LRRC37A2: variants seen among roughly 807,000 people sequenced by gnomAD.
The protein encoded by LRRC37A2 is leucine rich repeat containing 37 member A2, also known as leucine-rich repeat-containing protein 37A2.
Under a neutral mutation model 68.8 loss-of-function variants are expected in LRRC37A2, and 9 were observed. The observed-to-expected ratio is 0.13, with a 90% CI of 0.08 to 0.23. The LOEUF is 0.23. LRRC37A2 is among the 10% of genes least tolerant of loss of function. The pLI, the probability that LRRC37A2 is intolerant of heterozygous loss-of-function variation, is 1.00. For missense variants in LRRC37A2, 168 were observed against 950.4 expected, an observed-to-expected ratio of 0.18 and a Z score of 10.82; for synonymous variants, 63 against 367.6, an observed-to-expected ratio of 0.17 and a Z score of 9.48.
the LRRC37A2 span, among the ~76,000 whole-genome samples, chr17:46,678,454 A>G: frequency 3.4e-3 from 504 of 149,564 alleles, 7 homozygotes; most frequent in African/African-American, 0.012. Context: ...GAAAATAACC[A>G]GAGACAAAGA....
the LRRC37A2 span, among the ~76,000 whole-genome samples, chr17:46,493,891 G>A: frequency 3.2e-3 from 476 of 150,846 alleles, 32 homozygotes; most frequent in African/African-American, 0.011. Context: ...GAGTGCAGTG[G>A]CATGATCTTG....
the LRRC37A2 span, among the ~76,000 whole-genome samples, chr17:46,951,870 G>A: frequency 6.6e-6 from 1 of 152,024 alleles, no homozygotes; most frequent in Admixed American, 6.5e-5. Context: ...TTTCCCTCGG[G>A]GTGTTTGCCT....
the LRRC37A2 span, among the ~76,000 whole-genome samples, chr17:46,946,161 C>T: frequency 1.3e-5 from 2 of 151,744 alleles, no homozygotes; most frequent in Non-Finnish European, 2.9e-5. Flanking sequence ...GTAGGCTGGG[C>T]GCGGTGTCTC....
the LRRC37A2 span, among the ~76,000 whole-genome samples, chr17:46,456,157 A>G: frequency 2.7e-5 from 3 of 109,316 alleles, no homozygotes; most frequent in Admixed American, 2.7e-4. Context: ...TCCATGTTGT[A>G]GCAAAAGATG....
At chr17:46,970,474 A>G in the LRRC37A2 span, among the ~76,000 whole-genome samples, 2 of 145,056 alleles carry the variant, frequency 1.4e-5, no homozygotes, top group Admixed American at 1.4e-4. Flanking sequence ...TGGGAGGCAC[A>G]GGTTGCAGCA....
the LRRC37A2 span, among the ~76,000 whole-genome samples, chr17:46,762,244 A>G: frequency 6.6e-6 from 1 of 152,236 alleles, no homozygotes; most frequent in Non-Finnish European, 1.5e-5. Flanking sequence ...GAGTCTGTGA[A>G]ATGAATTAGT....
At chr17:46,818,561 G>A in the LRRC37A2 span, 2 of 1,608,668 alleles carry the variant, frequency 1.2e-6, no homozygotes, top group Non-Finnish European at 1.7e-6. Context: ...CCACCGAGCA[G>A]GAGGCCGAGG....
At chr17:46,854,785 C>T in the LRRC37A2 span, among the ~76,000 whole-genome samples, 11 of 152,010 alleles carry the variant, frequency 7.2e-5, no homozygotes, top group Admixed American at 3.3e-4. Context: ...CTCAGCTTTC[C>T]GAGAGCTAGG....
At chr17:46,889,956 C>T in the LRRC37A2 span, among the ~76,000 whole-genome samples, 1 of 152,204 alleles carries the variant, frequency 6.6e-6, no homozygotes, top group African/African-American at 2.4e-5. Context: ...TAGAATAATG[C>T]CTGGCATATT....
chr17:47,001,549 T>A, the LRRC37A2 span, among the ~76,000 whole-genome samples: 1 of 152,128 alleles, frequency 6.6e-6, no homozygotes, highest in Non-Finnish European at 1.5e-5. Flanking sequence ...TGATAATATC[T>A]GAGCCTTAGT....
the LRRC37A2 span, among the ~76,000 whole-genome samples, chr17:46,770,837 T>A: frequency 6.6e-6 from 1 of 152,184 alleles, no homozygotes; most frequent in Non-Finnish European, 1.5e-5. Context: ...TGTGCTTCAT[T>A]CACATGGAAA....
chr17:46,957,479 G>C, the LRRC37A2 span, among the ~76,000 whole-genome samples: 1 of 152,174 alleles, frequency 6.6e-6, no homozygotes, highest in Non-Finnish European at 1.5e-5. Flanking sequence ...CAGGTGTGGT[G>C]GTGGGTGCCT....
chr17:46,993,676 T>C, the LRRC37A2 span, among the ~76,000 whole-genome samples: 1 of 152,240 alleles, frequency 6.6e-6, no homozygotes, highest in African/African-American at 2.4e-5. Context: ...CAACACAACC[T>C]GTATCCCCTA....
chr17:47,033,221 CAAAAAAAAAAAAAAA>C, the LRRC37A2 span: 124 of 391,502 alleles, frequency 3.2e-4, no homozygotes, highest in East Asian at 1.0e-3. Flanking sequence ...GACTTCATCT[CAAAAAAAAAAAAAAA>C]AAAAAAAAAA....
chr17:46,940,674 A>T, the LRRC37A2 span: 1 of 1,612,682 alleles, frequency 6.2e-7, no homozygotes, highest in Non-Finnish European at 8.5e-7. Context: ...GTGGACTGAT[A>T]GGACATCTTT....
the LRRC37A2 span, among the ~76,000 whole-genome samples, chr17:46,880,649 G>A: frequency 6.6e-6 from 1 of 152,212 alleles, no homozygotes; most frequent in African/African-American, 2.4e-5. Flanking sequence ...GAGATGAGAA[G>A]CCTCCTCATT....
At chr17:46,738,999 G>A in the LRRC37A2 span, among the ~76,000 whole-genome samples, 22 of 152,008 alleles carry the variant, frequency 1.4e-4, no homozygotes, top group Admixed American at 6.6e-4. Flanking sequence ...ACTTTGGGAG[G>A]CCAAGGCAGG....
chr17:47,014,750 G>C, the LRRC37A2 span, among the ~76,000 whole-genome samples: 26 of 152,156 alleles, frequency 1.7e-4, no homozygotes, highest in African/African-American at 6.3e-4. Context: ...CAGAGATGTG[G>C]GGAGAAGGTA....
the LRRC37A2 span, chr17:46,935,533 CT>C: frequency 7.9e-7 from 1 of 1,258,596 alleles, no homozygotes; most frequent in Non-Finnish European, 1.0e-6. Flanking sequence ...CCTTTGGTAC[CT>C]CGCTTTAAGG....
Sources: gnomAD v4.1 joint callset for allele counts (sites outside exome capture counted in the v4.1 genomes callset) on GRCh38, gnomAD v4.1.1 for gene constraint, MANE v1.5 for transcripts, NCBI Gene and HGNC (gene_info 2026-07-23, HGNC 2026-07-21) for gene names.